The following GALNT9 variants were observed in gnomAD, a reference collection of about 807,000 sequenced individuals.
GALNT9 encodes the protein polypeptide N-acetylgalactosaminyltransferase 9, also known as GalNAc transferase 9.
GALNT9 carries 47 observed loss-of-function variants against 63.1 expected under a neutral mutation model. That is an observed-to-expected ratio of 0.75 (90% CI 0.59 to 0.95). GALNT9 has a LOEUF of 0.95. Among genes scored for constraint, GALNT9 ranks in the 40% least tolerant of loss-of-function variants. GALNT9 has a pLI of 0.00. For synonymous variants in GALNT9, 396 were observed against 365.7 expected (o/e 1.08, Z -0.94); for missense variants, 829 against 874.8 (o/e 0.95, Z 0.66).
intron 5 of GALNT9, among the ~76,000 whole-genome samples, chr12:132,250,794 GACA>G (rs111708700): frequency 6.6e-6 from 1 of 151,640 alleles, no homozygotes; most frequent in Admixed American, 6.6e-5. Flanking sequence ...CGTCTCAAAC[GACA>G]ACAACAACAA....
intron 1 of GALNT9, among the ~76,000 whole-genome samples, chr12:132,303,036 G>T (rs1003939963): frequency 6.6e-6 from 1 of 151,860 alleles, no homozygotes; most frequent in Non-Finnish European, 1.5e-5. Context: ...GGGGTGAGAC[G>T]GTGTGTGGAC....
chr12:132,213,410 C>T (rs1158101328), intron 6 of GALNT9, among the ~76,000 whole-genome samples: 2 of 152,128 alleles, frequency 1.3e-5, no homozygotes, highest in Admixed American at 1.3e-4. Context: ...CAGATGCACA[C>T]GTGTGCAACA....
rs201851362 is a variant in GALNT9 at position 132,276,941 on chromosome 12, GAC to G, written c.419+9307_419+9308del. On this transcript the variant is annotated intron_variant, in intron 2 of 10. Coordinates refer to ENST00000328957, the MANE Select transcript of GALNT9 (RefSeq NM_001122636.2). The stretch of plus-strand genomic sequence containing the variant: ...GTCCACACATGCACACACATCTGTG[GAC>G]ACACACACACATGTACATACATCTC... 9.0e-3 allele frequency among the ~76,000 whole-genome samples: 1,371 copies of G among 151,796 alleles called. 21 individuals are homozygous for G. Among genetic ancestry groups the G allele is most frequent in the African/African-American group, 0.03 (1,244 of 41,382 alleles).
intron 2 of GALNT9, among the ~76,000 whole-genome samples, chr12:132,285,082 A>G (rs1555242039): frequency 6.6e-6 from 1 of 152,198 alleles, no homozygotes; most frequent in African/African-American, 2.4e-5. Flanking sequence ...TGGCCCAAGA[A>G]TCCCGGTGTC....
chr12:132,276,015 C>T (rs1024704674), intron 2 of GALNT9, among the ~76,000 whole-genome samples: 3 of 152,370 alleles, frequency 2.0e-5, no homozygotes, highest in East Asian at 1.9e-4. Flanking sequence ...GCCGGCTCTG[C>T]CCCGCAGGTC....
intron 2 of GALNT9, among the ~76,000 whole-genome samples, chr12:132,272,348 C>T (rs551717512): frequency 6.6e-6 from 1 of 152,354 alleles, no homozygotes; most frequent in South Asian, 2.1e-4. Context: ...CACACAGGCC[C>T]TCCACGATGC....
intron 2 of GALNT9, among the ~76,000 whole-genome samples, chr12:132,281,969 A>C (rs56191420): frequency 3.3e-5 from 4 of 119,860 alleles, no homozygotes; most frequent in Admixed American, 8.8e-5. Context: ...CTGGGGTCCC[A>C]CATCCCACAG....
At position 132,262,472 on chromosome 12, in the gene GALNT9, G is replaced by A; in HGVS notation, c.573C>T (p.Asp191=). The change falls in exon 3 of 11, where the codon GAC becomes GAT. Residue 191 remains aspartate (D), a synonymous_variant. Coordinates refer to ENST00000328957, the MANE Select transcript of GALNT9 (RefSeq NM_001122636.2). ...QLLKEVILVD[D]NSDNVELKFN... ...CCGCCCACTCACCGTTGTCACTGTTGTCGTCCACCAGGATGACCTCCTTGA... is the reference window on the plus strand; with the variant it reads ...CCGCCCACTCACCGTTGTCACTGTTATCGTCCACCAGGATGACCTCCTTGA... 2 of 1,550,508 alleles carry A rather than the reference G, an allele frequency of 1.3e-6. No individual in the cohort carries two copies. The highest frequency in any genetic ancestry group is 1.7e-6 in the Non-Finnish European group (2 of 1,146,530).
intron 6 of GALNT9, among the ~76,000 whole-genome samples, chr12:132,210,181 G>A (rs115554766): frequency 0.033 from 4,982 of 152,280 alleles, 252 homozygotes; most frequent in African/African-American, 0.11. Flanking sequence ...TGCAGGCCCC[G>A]GGCTGGCACA....
At chr12:132,288,204 G>A (rs191534600) in intron 1 of GALNT9, among the ~76,000 whole-genome samples, 16 of 152,220 alleles carry the variant, frequency 1.1e-4, no homozygotes, top group Admixed American at 3.3e-4. Context: ...GTGACCCTCC[G>A]CCCCCCACAG....
rs1296207975 is a variant in GALNT9, at chr12:132,313,168, T to TCCAC, written c.238+15794_238+15797dup. ...ACCTACCCACTCACCCACCCATCCA[T>TCCAC]CCACCCACCCACCCATCCCTCCATA... On this transcript the variant is annotated intron_variant, in intron 1 of 10. Coordinates refer to ENST00000328957, the MANE Select transcript of GALNT9 (RefSeq NM_001122636.2). Among the ~76,000 whole-genome samples the TCCAC allele has an allele frequency of 3.8e-4, 21 of 55,630 alleles. No individual in the cohort carries two copies. The Middle Eastern group carries it at 0.045, about 120-fold the overall frequency. The allele number at this position is 55,630 out of a possible 152,430, so 36.5% of individuals were successfully genotyped here.
At chr12:132,248,182 C>T (rs947506010) in intron 5 of GALNT9, among the ~76,000 whole-genome samples, 155 bp from the exon 6 acceptor site, 2 of 152,202 alleles carry the variant, frequency 1.3e-5, no homozygotes, top group Admixed American at 6.5e-5. Flanking sequence ...GGTGAGGGGC[C>T]GCTGCTCCTC....
intron 1 of GALNT9, among the ~76,000 whole-genome samples, chr12:132,303,088 G>A (rs555830356): frequency 3.3e-5 from 5 of 151,868 alleles, no homozygotes; most frequent in South Asian, 2.1e-4. Flanking sequence ...TCTCTCTCTC[G>A]GGAAAGCCTC....
chr12:132,295,758 C>T (rs1270508490), intron 1 of GALNT9, among the ~76,000 whole-genome samples: 3 of 152,002 alleles, frequency 2.0e-5, no homozygotes, highest in African/African-American at 4.8e-5. Context: ...GGAGAGCCTC[C>T]GAACAGCGAG....
At chr12:132,302,814 C>T (rs1017253520) in intron 1 of GALNT9, among the ~76,000 whole-genome samples, 19 of 152,002 alleles carry the variant, frequency 1.2e-4, no homozygotes, top group East Asian at 5.8e-4. Context: ...AGAAAGGGGA[C>T]GGGACGGGGT....
intron 1 of GALNT9, among the ~76,000 whole-genome samples, chr12:132,305,219 G>A (rs1426222774): frequency 6.7e-4 from 19 of 28,270 alleles, no homozygotes; most frequent in African/African-American, 1.2e-3. Flanking sequence ...GCACACCCTC[G>A]CCCGGACACA....
chr12:132,250,561 A>G (rs139562799), intron 5 of GALNT9, among the ~76,000 whole-genome samples: 5,559 of 152,304 alleles, frequency 0.036, 347 homozygotes, highest in African/African-American at 0.13. Context: ...ATGCCAAGGC[A>G]GGCAGATCAC....
intron 2 of GALNT9, among the ~76,000 whole-genome samples, chr12:132,267,103 G>T (rs1341366085): frequency 6.6e-6 from 1 of 152,200 alleles, no homozygotes; most frequent in Non-Finnish European, 1.5e-5. Flanking sequence ...GCGCAGAGAG[G>T]GATGGAAGTG....
In GALNT9 at chr12:132,286,239, C is replaced by A; in HGVS notation, c.419+11G>T. On this transcript the variant is annotated intron_variant, in intron 2 of 10. Transcript: ENST00000328957. The surrounding 1 kb of genome is among the most constrained non-coding windows in gnomAD (Gnocchi z 7.4). ...CGGGCGTCGGGGGATGGGGGGCAGTCACTCACTCACTTTCTGGGCCGGTAG... is the reference window on the plus strand; with the variant it reads ...CGGGCGTCGGGGGATGGGGGGCAGTAACTCACTCACTTTCTGGGCCGGTAG... The A allele has an allele frequency of 6.5e-7, 1 of 1,545,582 alleles. No individual in the cohort carries two copies. Among genetic ancestry groups the A allele is most frequent in the Non-Finnish European group, 8.7e-7 (1 of 1,143,208 alleles).
Sources: gnomAD v4.1 joint callset for allele counts (sites outside exome capture counted in the v4.1 genomes callset) on GRCh38, gnomAD v4.1.1 for gene constraint, Gnocchi (gnomAD v3.1) non-coding constraint, MANE v1.5 for transcripts, NCBI Gene and HGNC (gene_info 2026-07-23, HGNC 2026-07-21) for gene names.